ZNF722: variants seen among roughly 807,000 people sequenced by gnomAD.
The protein encoded by ZNF722 is zinc finger protein 722, also known as zinc finger protein 479 pseudogene.
chr7:64,015,866 T>C, the ZNF722 span: 1 of 1,581,322 alleles, frequency 6.3e-7, no homozygotes, highest in South Asian at 1.1e-5. Flanking sequence ...GGCATTCAAG[T>C]CTTGCTAAAC....
At chr7:64,001,139 G>T in the ZNF722 span, among the ~76,000 whole-genome samples, 2 of 152,016 alleles carry the variant, frequency 1.3e-5, no homozygotes, top group Non-Finnish European at 2.9e-5. Flanking sequence ...TTGTTGTATA[G>T]GTAAAATCAT....
At chr7:64,004,028 CT>C in the ZNF722 span, among the ~76,000 whole-genome samples, 1 of 152,136 alleles carries the variant, frequency 6.6e-6, no homozygotes, top group African/African-American at 2.4e-5. Flanking sequence ...AGAAAGACTA[CT>C]TAAAATTACT....
the ZNF722 span, chr7:64,014,932 G>T: frequency 2.1e-6 from 2 of 934,648 alleles, no homozygotes; most frequent in Non-Finnish European, 3.2e-6. Context: ...ATGCCATTTT[G>T]CTAGTGTGCC....
At chr7:64,016,781 ATG>A in the ZNF722 span, among the ~76,000 whole-genome samples, 1 of 152,182 alleles carries the variant, frequency 6.6e-6, no homozygotes, top group Admixed American at 6.5e-5. Flanking sequence ...CAGCATAAAA[ATG>A]TGACAGAGCA....
the ZNF722 span, among the ~76,000 whole-genome samples, chr7:64,010,867 G>T: frequency 6.6e-6 from 1 of 152,092 alleles, no homozygotes; most frequent in Non-Finnish European, 1.5e-5. Context: ...CGATATTATT[G>T]TGTGAGTCTA....
the ZNF722 span, among the ~76,000 whole-genome samples, chr7:64,003,476 G>A: frequency 1.4e-4 from 21 of 152,208 alleles, no homozygotes; most frequent in Admixed American, 7.9e-4. Flanking sequence ...TTCAGAGAAA[G>A]AGGAGGAAAA....
At chr7:64,010,777 G>A in the ZNF722 span, among the ~76,000 whole-genome samples, 1 of 152,188 alleles carries the variant, frequency 6.6e-6, no homozygotes, top group Non-Finnish European at 1.5e-5. Context: ...GTGCAGAGCT[G>A]AGTTCAAGTC....
At chr7:63,999,137 CT>C in the ZNF722 span, 2 of 1,014,212 alleles carry the variant, frequency 2.0e-6, no homozygotes, top group Non-Finnish European at 1.5e-6. Context: ...CCCAGCTCGG[CT>C]TTTAGTCCCC....
chr7:64,012,756 C>T, the ZNF722 span, among the ~76,000 whole-genome samples: 3,865 of 151,258 alleles, frequency 0.026, 116 homozygotes, highest in South Asian at 0.11. Flanking sequence ...GGTGTAGATG[C>T]CCTCCAAATC....
chr7:64,001,230 G>A, the ZNF722 span, among the ~76,000 whole-genome samples: 6 of 152,104 alleles, frequency 3.9e-5, no homozygotes, highest in South Asian at 2.1e-4. Flanking sequence ...TCTGATTTTC[G>A]TCATCCTCCG....
At chr7:64,005,021 A>G in the ZNF722 span, among the ~76,000 whole-genome samples, 1 of 152,128 alleles carries the variant, frequency 6.6e-6, no homozygotes, top group East Asian at 1.9e-4. Flanking sequence ...GTATGATGTA[A>G]ATATAGCCCT....
At chr7:64,015,979 AAC>A in the ZNF722 span, 2 of 1,060,042 alleles carry the variant, frequency 1.9e-6, no homozygotes, top group Non-Finnish European at 2.7e-6. Context: ...GCTGGAAAAA[AAC>A]ACTACAAGTG....
the ZNF722 span, chr7:64,005,535 A>G: frequency 4.4e-6 from 3 of 681,418 alleles, no homozygotes; most frequent in Non-Finnish European, 7.8e-6. Flanking sequence ...AACTTGAGTC[A>G]AATACAAATC....
At chr7:64,000,128 T>G in the ZNF722 span, among the ~76,000 whole-genome samples, 4,831 of 89,472 alleles carry the variant, frequency 0.054, 173 homozygotes, top group South Asian at 0.16. Flanking sequence ...ACTTTTTTTT[T>G]TTTTTGTGTG....
the ZNF722 span, among the ~76,000 whole-genome samples, chr7:64,017,449 TTAAAG>T: frequency 6.6e-6 from 1 of 152,148 alleles, no homozygotes; most frequent in Admixed American, 6.6e-5. Flanking sequence ...ATATAGGCCT[TTAAAG>T]TAAAGACTAT....
chr7:64,010,582 A>T, the ZNF722 span, among the ~76,000 whole-genome samples: 2 of 152,192 alleles, frequency 1.3e-5, no homozygotes, highest in South Asian at 4.1e-4. Context: ...CTGAGTTCTA[A>T]TTTGATTGCA....
the ZNF722 span, among the ~76,000 whole-genome samples, chr7:64,017,518 C>A: frequency 1.3e-5 from 2 of 152,152 alleles, no homozygotes; most frequent in South Asian, 4.1e-4. Flanking sequence ...CCTTTACTGG[C>A]ATTACAGATG....
chr7:64,016,534 T>C, the ZNF722 span, among the ~76,000 whole-genome samples: 1 of 152,168 alleles, frequency 6.6e-6, no homozygotes, highest in Admixed American at 6.6e-5. Context: ...AAGCAAAGAA[T>C]GTGGTAACGC....
the ZNF722 span, chr7:63,999,146 C>A: frequency 1.1e-6 from 1 of 938,552 alleles, no homozygotes; most frequent in Admixed American, 2.3e-5. Flanking sequence ...GCTTTTAGTC[C>A]CCTCGAACCG....
Sources: gnomAD v4.1 joint callset for allele counts (sites outside exome capture counted in the v4.1 genomes callset) on GRCh38, gnomAD v4.1.1 for gene constraint, MANE v1.5 for transcripts, NCBI Gene and HGNC (gene_info 2026-07-23, HGNC 2026-07-21) for gene names.